CDH18: variants seen among roughly 807,000 people sequenced by gnomAD.
The protein encoded by CDH18 is cadherin-18.
In CDH18, 31 loss-of-function variants were observed where a neutral mutation model predicts 67.9. The observed-to-expected ratio is 0.46, with a 90% CI of 0.34 to 0.62. The LOEUF is 0.62. CDH18 is among the 20% of genes least tolerant of loss of function. CDH18 has a pLI of 0.01. For synonymous variants in CDH18, 362 were observed against 347.2 expected, an observed-to-expected ratio of 1.04 and a Z score of -0.48; for missense variants, 890 against 975.5, an observed-to-expected ratio of 0.91 and a Z score of 1.17.
intron 2 of CDH18, among the ~76,000 whole-genome samples, chr5:19,973,594 G>GT (rs1798230401): frequency 6.6e-6 from 1 of 152,248 alleles, no homozygotes; most frequent in East Asian, 1.9e-4. Context: ...CATGGAAAAA[G>GT]TTGGCTAGTG....
chr5:20,291,579 C>T (rs1265789790), intron 1 of CDH18, among the ~76,000 whole-genome samples: 8 of 152,108 alleles, frequency 5.3e-5, no homozygotes, highest in Non-Finnish European at 1.0e-4. Context: ...AAGGAAGTCA[C>T]TTGGCTGTAT....
chr5:19,668,849 T>C (rs1446037557), intron 5 of CDH18, among the ~76,000 whole-genome samples: 2 of 151,978 alleles, frequency 1.3e-5, no homozygotes, highest in Non-Finnish European at 2.9e-5. Flanking sequence ...CAGAAACAAG[T>C]ACTTTATCCA....
intron 1 of CDH18, among the ~76,000 whole-genome samples, chr5:20,555,470 TTC>T (rs1266361907): frequency 3.1e-5 from 4 of 128,778 alleles, no homozygotes; most frequent in Admixed American, 1.9e-4. Context: ...TTGAGACAGA[TTC>T]TCTCACTTTG....
At chr5:19,892,474 C>A (rs1230701581) in intron 2 of CDH18, among the ~76,000 whole-genome samples, 1 of 152,054 alleles carries the variant, frequency 6.6e-6, no homozygotes, top group Non-Finnish European at 1.5e-5. Context: ...AAATTCTTAA[C>A]ACTGGAATGA....
At chr5:20,300,303 CGTGTGTGTGT>C (rs67689740) in intron 1 of CDH18, among the ~76,000 whole-genome samples, 7 of 148,504 alleles carry the variant, frequency 4.7e-5, no homozygotes, top group Admixed American at 3.3e-4. Context: ...TGTGTGTGTG[CGTGTGTGTGT>C]GTGTGTGTGT....
At chr5:19,621,118 T>G (rs2150141146) in intron 5 of CDH18, among the ~76,000 whole-genome samples, 1 of 152,258 alleles carries the variant, frequency 6.6e-6, no homozygotes, top group East Asian at 1.9e-4. Context: ...AAAGTATCAC[T>G]TTTCTGCTTA....
intron 1 of CDH18, among the ~76,000 whole-genome samples, chr5:20,530,506 A>G (rs950838538): frequency 3.9e-5 from 6 of 152,122 alleles, no homozygotes; most frequent in Admixed American, 1.3e-4. Flanking sequence ...GGCAACAGTG[A>G]CCAAAACAGC....
At chr5:20,070,703 A>G (rs1226430493) in intron 2 of CDH18, among the ~76,000 whole-genome samples, 3 of 152,240 alleles carry the variant, frequency 2.0e-5, no homozygotes, top group African/African-American at 4.8e-5. Flanking sequence ...AATAATTTGC[A>G]GAGAACAAAT....
intron 2 of CDH18, among the ~76,000 whole-genome samples, chr5:19,904,262 A>C (rs1335761819): frequency 6.6e-6 from 1 of 150,724 alleles, no homozygotes; most frequent in Non-Finnish European, 1.5e-5. Context: ...CGACAGTTAG[A>C]CTCTGTCAAA....
intron 2 of CDH18, among the ~76,000 whole-genome samples, chr5:20,096,080 T>C (rs1443935368): frequency 6.6e-6 from 1 of 152,074 alleles, no homozygotes; most frequent in Admixed American, 6.6e-5. Flanking sequence ...GAAGCAGCAA[T>C]AATTTAAGAG....
intron 9 of CDH18, among the ~76,000 whole-genome samples, chr5:19,538,895 T>C (rs1749812717): frequency 2.0e-5 from 3 of 152,258 alleles, no homozygotes; most frequent in South Asian, 4.1e-4. Flanking sequence ...ACAAAACAAC[T>C]GGCTCTTCAG....
intron 1 of CDH18, among the ~76,000 whole-genome samples, chr5:20,336,603 G>A (rs1177834725): frequency 6.6e-6 from 1 of 151,380 alleles, no homozygotes; most frequent in Non-Finnish European, 1.5e-5. Context: ...AGCGCCTGTA[G>A]TTCCAGCTAC....
intron 3 of CDH18, among the ~76,000 whole-genome samples, chr5:19,819,247 T>C (rs1779604046): frequency 6.6e-6 from 1 of 152,042 alleles, no homozygotes; most frequent in Non-Finnish European, 1.5e-5. Context: ...TGTTTAAAAA[T>C]TATTATAAGA....
At chr5:20,301,415 G>T (rs11747788) in intron 1 of CDH18, among the ~76,000 whole-genome samples, 70,717 of 152,010 alleles carry the variant, frequency 0.47, 18,036 homozygotes, top group Middle Eastern at 0.67. Flanking sequence ...TGCATCAAAG[G>T]GAGAGTCCTT....
chr5:19,896,345 C>T (rs1277450856), intron 2 of CDH18, among the ~76,000 whole-genome samples: 1 of 151,986 alleles, frequency 6.6e-6, no homozygotes, highest in Non-Finnish European at 1.5e-5. Context: ...GTAAAACTCC[C>T]TCTCAAAAAG....
At chr5:19,981,843 G>C (rs1306982924) in intron 1 of CDH18, among the ~76,000 whole-genome samples, 3 of 152,040 alleles carry the variant, frequency 2.0e-5, no homozygotes, top group African/African-American at 7.2e-5. Context: ...TTCCTCCCAG[G>C]CTTCCTAGCC....
chr5:20,391,065 C>T (rs1393339988), intron 1 of CDH18, among the ~76,000 whole-genome samples: 2 of 151,984 alleles, frequency 1.3e-5, no homozygotes, highest in Non-Finnish European at 2.9e-5. Context: ...AGCACACCAA[C>T]ATGGCACATA....
At chr5:20,498,626 A>G (rs1754053823) in intron 1 of CDH18, among the ~76,000 whole-genome samples, 1 of 152,106 alleles carries the variant, frequency 6.6e-6, no homozygotes, top group Non-Finnish European at 1.5e-5. Flanking sequence ...ATAATGTTAA[A>G]ATAATCCTTT....
rs766538010 is a variant in CDH18, at chr5:19,542,616, C to T, written c.1390+1253G>A. ...TACCAATGACACATACTATAATATG[C>T]ATACACATTGAACACATCATGCTCA... On this transcript the variant is annotated intron_variant, in intron 9 of 12. Transcript: ENST00000382275. Among the ~76,000 whole-genome samples, 24 of 152,226 alleles carry T rather than the reference C, an allele frequency of 1.6e-4. No individual in the cohort carries two copies. In the Middle Eastern group the frequency reaches 0.02, roughly 129 times the overall value.
Sources: gnomAD v4.1 joint callset for allele counts (sites outside exome capture counted in the v4.1 genomes callset) on GRCh38, gnomAD v4.1.1 for gene constraint, MANE v1.5 for transcripts, NCBI Gene and HGNC (gene_info 2026-07-23, HGNC 2026-07-21) for gene names.